The following PMFBP1 variants were observed in gnomAD, a reference collection of about 807,000 sequenced individuals.
PMFBP1 encodes polyamine-modulated factor 1-binding protein 1.
Under a neutral mutation model 137.8 loss-of-function variants are expected in PMFBP1, and 131 were observed. The ratio of observed to expected loss-of-function variants is 0.95; its 90% confidence interval spans 0.82 to 1.10. The LOEUF is 1.10. Ranked by LOEUF, PMFBP1 falls within the 50% of genes least tolerant of loss-of-function variation. PMFBP1 has a pLI of 0.00. For synonymous variants in PMFBP1, 490 were observed against 450.4 expected, an observed-to-expected ratio of 1.09 and a Z score of -1.11; for missense variants, 1,199 against 1,175.4, an observed-to-expected ratio of 1.02 and a Z score of -0.29.
chr16:72,249,927 A>C, the PMFBP1 span, among the ~76,000 whole-genome samples: 6 of 150,256 alleles, frequency 4.0e-5, no homozygotes, highest in East Asian at 1.2e-3. Flanking sequence ...TCGCAAAAAA[A>C]AAAAAAAAAA....
chr16:72,204,453 T>C, the PMFBP1 span, among the ~76,000 whole-genome samples: 1 of 152,208 alleles, frequency 6.6e-6, no homozygotes, highest in African/African-American at 2.4e-5. Flanking sequence ...TCTGCCTGCG[T>C]TGGCCTCCCA....
chr16:72,239,730 A>G, the PMFBP1 span, among the ~76,000 whole-genome samples: 1 of 151,890 alleles, frequency 6.6e-6, no homozygotes. Context: ...CGTCTCTACT[A>G]AAGATACAAA....
At chr16:72,203,151 T>A in the PMFBP1 span, among the ~76,000 whole-genome samples, 17 of 152,374 alleles carry the variant, frequency 1.1e-4, no homozygotes, top group African/African-American at 4.1e-4. Flanking sequence ...AGTTCTGGAA[T>A]CTTTGGTTTA....
intron 17 of PMFBP1, among the ~76,000 whole-genome samples, chr16:72,124,023 CT>C (rs1218108832): frequency 6.6e-6 from 1 of 151,966 alleles, no homozygotes; most frequent in Non-Finnish European, 1.5e-5. Context: ...TTTCTCTCTT[CT>C]TTTTTTTGAC....
chr16:72,248,222 A>G, the PMFBP1 span, among the ~76,000 whole-genome samples: 7 of 152,226 alleles, frequency 4.6e-5, no homozygotes, highest in Non-Finnish European at 8.8e-5. Flanking sequence ...AGTTGTTTGG[A>G]ACAATGATTA....
chr16:72,214,007 T>C, the PMFBP1 span, among the ~76,000 whole-genome samples: 2 of 152,228 alleles, frequency 1.3e-5, no homozygotes, highest in African/African-American at 4.8e-5. Flanking sequence ...TGTTCTCATT[T>C]ATCATAATAT....
At chr16:72,128,976 A>G in intron 13 of PMFBP1, 90 bp downstream of exon 13, 1 of 1,531,488 alleles carries the variant, frequency 6.5e-7, no homozygotes, top group African/African-American at 1.4e-5. Context: ...AGCTCTGAGC[A>G]TCCAGGGCCT....
chr16:72,192,960 C>A, the PMFBP1 span, among the ~76,000 whole-genome samples: 1 of 149,934 alleles, frequency 6.7e-6, no homozygotes, highest in African/African-American at 2.5e-5. Flanking sequence ...GTTAAATATG[C>A]AGTGATTTAA....
chr16:72,119,809 GA>G (rs545854131), intron 20 of PMFBP1, 41 bp downstream of exon 20: 6 of 1,601,002 alleles, frequency 3.7e-6, no homozygotes, highest in Admixed American at 1.7e-5. Context: ...GTGATTTAAA[GA>G]AAAAAATCAC....
intron 13 of PMFBP1, 44 bp downstream of exon 13, chr16:72,129,022 G>C: frequency 1.2e-6 from 2 of 1,600,254 alleles, no homozygotes; most frequent in Non-Finnish European, 1.7e-6. Flanking sequence ...GTCATGTCCC[G>C]CTCTGGATTC....
At chr16:72,186,915 C>G in the PMFBP1 span, among the ~76,000 whole-genome samples, 2,803 of 152,092 alleles carry the variant, frequency 0.018, 37 homozygotes, top group Non-Finnish European at 0.025. Flanking sequence ...GGGTTCGAGA[C>G]AAGCCTGGCC....
At chr16:72,140,609 A>G in intron 5 of PMFBP1, 27 bp from the exon 6 acceptor site, 1 of 1,597,878 alleles carries the variant, frequency 6.3e-7, no homozygotes, top group Non-Finnish European at 8.6e-7. Context: ...TAATGGGTTG[A>G]TTTTGCTTAT....
rs2042526997 is a variant in PMFBP1, at chr16:72,130,199, C to T, written c.1782+14G>A. On this transcript the variant is annotated intron_variant, in intron 12 of 20. Coordinates refer to ENST00000237353, the MANE Select transcript of PMFBP1 (RefSeq NM_031293.3). ...AGCAAGCACTTGAATGGGCCATCTGCCTGCCCGTCATACCTGGTGCTTGAT... is the reference window on the plus strand; with the variant it reads ...AGCAAGCACTTGAATGGGCCATCTGTCTGCCCGTCATACCTGGTGCTTGAT... The T allele has an allele frequency of 6.2e-7, 1 of 1,610,318 alleles. No homozygotes were observed. The highest frequency in any genetic ancestry group is 1.1e-5 in the South Asian group (1 of 91,070).
intron 20 of PMFBP1, chr16:72,119,559 C>T (rs187313373): frequency 3.7e-5 from 53 of 1,450,820 alleles, no homozygotes; most frequent in African/African-American, 2.3e-4. Context: ...GGTTTCCAGA[C>T]GTAGAAGGAA....
At chr16:72,160,249 G>A (rs1013541240) in intron 3 of PMFBP1, among the ~76,000 whole-genome samples, 1 of 152,224 alleles carries the variant, frequency 6.6e-6, no homozygotes, top group Non-Finnish European at 1.5e-5. Flanking sequence ...ATTGATTGAT[G>A]TTAAGTTCTG....
intron 20 of PMFBP1, 47 bp downstream of exon 20, chr16:72,119,804 T>G: frequency 6.3e-7 from 1 of 1,598,856 alleles, no homozygotes; most frequent in Non-Finnish European, 8.5e-7. Context: ...ATCCAGTGAT[T>G]TAAAGAAAAA....
chr16:72,238,987 G>C, the PMFBP1 span, among the ~76,000 whole-genome samples: 2 of 152,180 alleles, frequency 1.3e-5, no homozygotes, highest in African/African-American at 2.4e-5. Context: ...TCTATGAAGA[G>C]GGTGCTGCAT....
At chr16:72,226,328 T>C in the PMFBP1 span, among the ~76,000 whole-genome samples, 1 of 152,176 alleles carries the variant, frequency 6.6e-6, no homozygotes, top group East Asian at 1.9e-4. Context: ...TTTGGACTGA[T>C]TTATTCTCTT....
At chr16:72,118,388 G>C (rs1213254092), downstream of PMFBP1, among the ~76,000 whole-genome samples, 1 of 152,168 alleles carries the variant, frequency 6.6e-6, no homozygotes, top group African/African-American at 2.4e-5. Flanking sequence ...AGTTCTGTCA[G>C]GGGCATCCTA....
Sources: allele counts gnomAD v4.1 joint callset (sites outside exome capture counted in the v4.1 genomes callset), GRCh38; gene constraint gnomAD v4.1.1; transcripts MANE v1.5; gene names NCBI Gene and HGNC (gene_info 2026-07-23, HGNC 2026-07-21).